Variants in TARBP1 observed in about 807,000 individuals in gnomAD.
The protein encoded by TARBP1 is tRNA guanosine 2 -O-methyltransferase TARBP1, also known as tRNA (guanosine(18)-2'-O)-methyltransferase TARBP1.
In TARBP1, 144 loss-of-function variants were observed where a neutral mutation model predicts 178.6. That is an observed-to-expected ratio of 0.81 (90% CI 0.70 to 0.93). The LOEUF is 0.93. Among genes scored for constraint, TARBP1 ranks in the 40% least tolerant of loss-of-function variants. The probability of loss-of-function intolerance (pLI) is 0.00; values close to 1 mark genes in which losing one functional copy is unlikely to be tolerated. For missense variants in TARBP1, 2,067 were observed against 2,011.7 expected, an observed-to-expected ratio of 1.03 and a Z score of -0.53; for synonymous variants, 787 against 781.0, an observed-to-expected ratio of 1.01 and a Z score of -0.13.
intron 11 of TARBP1, among the ~76,000 whole-genome samples, chr1:234,448,141 G>A (rs1335007935): frequency 6.6e-6 from 1 of 152,208 alleles, no homozygotes; most frequent in Non-Finnish European, 1.5e-5. Context: ...GTTTCACCAT[G>A]TTGGCCAGTC....
At chr1:234,427,450 C>A in intron 18 of TARBP1, 62 bp from the exon 19 acceptor site, 1 of 1,484,836 alleles carries the variant, frequency 6.7e-7, no homozygotes, top group East Asian at 2.4e-5. Context: ...AATTAAATCC[C>A]CAAGGTTAAA....
At chr1:234,468,626 A>G (rs907539833) in intron 3 of TARBP1, among the ~76,000 whole-genome samples, 3 of 152,180 alleles carry the variant, frequency 2.0e-5, no homozygotes, top group African/African-American at 7.2e-5. Flanking sequence ...AGAAATATGA[A>G]ATTGTCACGC....
chr1:234,410,652 G>A (rs1324483556), intron 22 of TARBP1, 121 bp from the exon 23 acceptor site: 4 of 616,614 alleles, frequency 6.5e-6, no homozygotes, highest in Middle Eastern at 2.7e-4. Flanking sequence ...CCCTGGAACA[G>A]CCCGGGGTCT....
chr1:234,435,143 G>A (rs12048608), intron 13 of TARBP1, among the ~76,000 whole-genome samples: 20,429 of 152,084 alleles, frequency 0.13, 1,530 homozygotes, highest in Middle Eastern at 0.26. Flanking sequence ...ATTGAGAGAC[G>A]GTTCTTTCAA....
Position 234,429,570 on chromosome 1 carries a change from A to C in TARBP1, c.2717T>G (p.Leu906Arg). Residue 906 changes from leucine (L) to arginine (R), a missense_variant, in exon 16 of 30, where the codon CTT (leucine) becomes CGT (arginine). By Grantham distance (102) the Leu-to-Arg change is moderately radical (BLOSUM62 -2). Transcript: ENST00000040877. The stretch of plus-strand genomic sequence containing the variant: ...AATTTCACTCCCTGTGGTTGGTATA[A>C]GGGTGTGATATTTTTTCAACAGGAA... ...LSFLLKKYHT[L>R]IPTTGSEILE... 14 of 1,614,198 alleles carry C rather than the reference A, an allele frequency of 8.7e-6. No individual in the cohort carries two copies. The highest frequency in any genetic ancestry group is 1.2e-5 in the Non-Finnish European group (14 of 1,180,034).
rs115029482 is a variant in TARBP1 at position 234,418,614 on chromosome 1, G to C, written c.3556-381C>G. Among the ~76,000 whole-genome samples the C allele has an allele frequency of 6.0e-3, 911 of 152,332 alleles. 10 individuals are homozygous for C. Among genetic ancestry groups the C allele is most frequent in the African/African-American group, 0.02 (822 of 41,582 alleles). ...AAACCTTGTAACAAGGGATGGTACAGAGACTGAAGTCAGCAGGTGGGAAAC... is the reference window on the plus strand; with the variant it reads ...AAACCTTGTAACAAGGGATGGTACACAGACTGAAGTCAGCAGGTGGGAAAC... On this transcript the variant is annotated intron_variant, in intron 21 of 29. Transcript: ENST00000040877.
chr1:234,420,836 C>A, intron 20 of TARBP1, 24 bp from the exon 21 acceptor site: 1 of 1,321,414 alleles, frequency 7.6e-7, no homozygotes, highest in Non-Finnish European at 1.1e-6. Flanking sequence ...GGGAGGGAGT[C>A]AACATTAAAT....
chr1:234,453,430 TCTGCCCGC>T (rs1666986016), intron 9 of TARBP1, among the ~76,000 whole-genome samples: 1 of 151,838 alleles, frequency 6.6e-6, no homozygotes, highest in Non-Finnish European at 1.5e-5. Context: ...GCTCAAGTGA[TCTGCCCGC>T]CTCTGCCTCC....
intron 9 of TARBP1, among the ~76,000 whole-genome samples, chr1:234,452,909 A>C (rs1486025856): frequency 6.6e-6 from 1 of 152,234 alleles, no homozygotes; most frequent in Non-Finnish European, 1.5e-5. Flanking sequence ...CAAGCCATGA[A>C]AACACAGGAA....
At chr1:234,430,391 T>G in intron 14 of TARBP1, 90 bp from the exon 15 acceptor site, 1 of 1,185,812 alleles carries the variant, frequency 8.4e-7, no homozygotes, top group Non-Finnish European at 1.2e-6. Flanking sequence ...AAGCTCAAGC[T>G]CTCCTTTTCC....
In TARBP1 at chr1:234,479,024, TC is replaced by T; in HGVS notation, c.79del (p.Glu27ArgfsTer71). ...CGTCTCCACGCGCTCCGCGGATGCC[TC>T]CCCTTGGCACAGCGCCCCAAGCAGG... ...RALLGALCQGEASAERVETLR... is the reference protein window; with the variant it reads ...RALLGALCQGXASAERVETLR... On this transcript the variant is annotated frameshift_variant, in exon 1 of 30. Transcript: ENST00000040877. LOFTEE classifies it high-confidence loss of function. 1 of 1,527,344 alleles carries T rather than the reference TC, an allele frequency of 6.5e-7. No homozygotes were observed. The highest frequency in any genetic ancestry group is 8.7e-7 in the Non-Finnish European group (1 of 1,149,902). The allele number at this position is 1,527,344 out of a possible 1,614,324, so 94.6% of individuals were successfully genotyped here.
intron 19 of TARBP1, 62 bp from the exon 20 acceptor site, chr1:234,425,855 T>A (rs890806175): frequency 7.6e-7 from 1 of 1,313,450 alleles, no homozygotes; most frequent in Non-Finnish European, 1.1e-6. Flanking sequence ...TAACATCAAA[T>A]ATTAGTTTCA....
chr1:234,409,928 T>G (rs1224507235), intron 23 of TARBP1, among the ~76,000 whole-genome samples: 1 of 152,196 alleles, frequency 6.6e-6, no homozygotes, highest in East Asian at 1.9e-4. Flanking sequence ...TTTCTGCCTA[T>G]CTGTGTGAGA....
chr1:234,419,539 A>G (rs1181334792), intron 21 of TARBP1, among the ~76,000 whole-genome samples: 4 of 152,232 alleles, frequency 2.6e-5, no homozygotes, highest in African/African-American at 4.8e-5. Context: ...TCTGAGCTCC[A>G]TAACAGACTG....
Position 234,478,595 on chromosome 1 carries a change from AG to A in TARBP1, c.508del (p.Leu170TrpfsTer57). The part of the protein sequence containing the change: ...LERVAGTAVA[L>X]ALGGGGDGDE... ...CCCGTCCCCGCCCCCGCCCAGCGCC[AG>A]GGCGACGGCGGTCCCCGCCACGCGC... On this transcript the variant is annotated frameshift_variant, in exon 1 of 30. Coordinates refer to ENST00000040877, the MANE Select transcript of TARBP1 (RefSeq NM_005646.4). LOFTEE classifies it high-confidence loss of function. 1 of 1,296,156 alleles carries A rather than the reference AG, an allele frequency of 7.7e-7. No homozygotes were observed. The highest frequency in any genetic ancestry group is 9.8e-7 in the Non-Finnish European group (1 of 1,024,342). 80.3% of individuals were successfully genotyped at this position (1,296,156 alleles called of 1,614,324 possible). A position where few individuals can be genotyped will look rare whatever the true frequency, so the allele number is the denominator to read the frequency against.
chr1:234,430,066 A>C, intron 15 of TARBP1, 21 bp downstream of exon 15: 1 of 1,591,146 alleles, frequency 6.3e-7, no homozygotes, highest in Non-Finnish European at 8.6e-7. Context: ...ATGGATTTTT[A>C]AGCCTTAACC....
Position 234,393,793 on chromosome 1 carries a change from C to A in TARBP1, c.4288G>T (p.Val1430Phe). The change falls in exon 27 of 30, where the codon GTT becomes TTT. Residue 1430 changes from valine (V) to phenylalanine (F), a missense_variant. Val to Phe is a conservative substitution (Grantham distance 50, BLOSUM62 -1). Transcript: ENST00000040877. ...EADNQAEWTD[V>F]QKKIIPWNSR... is the part of the protein sequence containing the mutation. ...TTCCACGGGATAATCTTCTTCTGAACGTCGGTCCACTCCGCTTGGTTATCT... is the reference window on the plus strand; with the variant it reads ...TTCCACGGGATAATCTTCTTCTGAAAGTCGGTCCACTCCGCTTGGTTATCT... 1 of 1,613,826 alleles carries A rather than the reference C, an allele frequency of 6.2e-7. No individual in the cohort carries two copies. The highest frequency in any genetic ancestry group is 8.5e-7 in the Non-Finnish European group (1 of 1,179,916).
chr1:234,403,107 C>G (rs2103047614), intron 24 of TARBP1, among the ~76,000 whole-genome samples: 1 of 152,306 alleles, frequency 6.6e-6, no homozygotes, highest in South Asian at 2.1e-4. Flanking sequence ...CAAAAGAAAA[C>G]TGGATGACGT....
At chr1:234,470,096 G>A (rs113235169) in intron 3 of TARBP1, among the ~76,000 whole-genome samples, 322 of 152,028 alleles carry the variant, frequency 2.1e-3, no homozygotes, top group Middle Eastern at 6.8e-3. Flanking sequence ...GCAAAACCCC[G>A]TCTCTACTAA....
Sources: allele counts gnomAD v4.1 joint callset (sites outside exome capture counted in the v4.1 genomes callset), GRCh38; gene constraint gnomAD v4.1.1; transcripts MANE v1.5; gene names NCBI Gene and HGNC (gene_info 2026-07-23, HGNC 2026-07-21).